Variants in CYFIP2 observed in about 807,000 individuals in gnomAD.
CYFIP2 encodes cytoplasmic FMR1-interacting protein 2.
CYFIP2 carries 29 observed loss-of-function variants against 158.7 expected under a neutral mutation model. The ratio of observed to expected loss-of-function variants is 0.18; its 90% CI spans 0.14 to 0.25. The LOEUF is 0.25. Among genes scored for constraint, CYFIP2 ranks in the 10% least tolerant of loss-of-function variants. The pLI is 1.00. For synonymous variants in CYFIP2, 585 were observed against 617.6 expected (o/e 0.95, Z 0.78); for missense variants, 852 against 1,639.5 (o/e 0.52, Z 8.29).
At chr5:157,392,767 C>G in intron 30 of CYFIP2, 66 bp from the exon 31 acceptor site, 1 of 1,564,838 alleles carries the variant, frequency 6.4e-7, no homozygotes, top group South Asian at 1.2e-5. Context: ...GTGACTTCTC[C>G]TGTTACTCCC....
intron 3 of CYFIP2, among the ~76,000 whole-genome samples, chr5:157,291,554 C>T (rs1210088952): frequency 1.3e-5 from 2 of 152,194 alleles, no homozygotes; most frequent in African/African-American, 2.4e-5. Flanking sequence ...TAACACCCGT[C>T]GGCAGGCAGG....
intron 21 of CYFIP2, 115 bp downstream of exon 21, chr5:157,333,561 T>C (rs1280936195): frequency 1.4e-6 from 2 of 1,425,768 alleles, no homozygotes; most frequent in African/African-American, 2.8e-5. Flanking sequence ...AGTGAGTCTC[T>C]TTCCCATCTG....
intron 1 of CYFIP2, among the ~76,000 whole-genome samples, chr5:157,271,942 C>G (rs1406108630): frequency 1.3e-5 from 2 of 152,214 alleles, no homozygotes; most frequent in African/African-American, 4.8e-5. Flanking sequence ...CCTCATATGA[C>G]AGCCCCAGGG....
chr5:157,332,522 C>T (rs1761543595), intron 20 of CYFIP2, among the ~76,000 whole-genome samples: 1 of 152,230 alleles, frequency 6.6e-6, no homozygotes. Flanking sequence ...AATGATGATA[C>T]TCAGGAAATT....
rs1762910955 is a variant in CYFIP2 at position 157,349,275 on chromosome 5, C to T, written c.2673+8118C>T. Among the ~76,000 whole-genome samples the T allele has an allele frequency of 2.0e-5, 3 of 152,292 alleles. No individual in the cohort carries two copies. In the South Asian group the frequency reaches 6.2e-4, roughly 32 times the overall value. On this transcript the variant is annotated intron_variant, in intron 23 of 30. Transcript: ENST00000620254. Reference sequence around the variant, plus strand: ...GTGTAGTCTTTTATCCCTCTCCCTCCTCCCACCCTTCTGAGTCTCCAAAAT... The same window carrying T: ...GTGTAGTCTTTTATCCCTCTCCCTCTTCCCACCCTTCTGAGTCTCCAAAAT...
intron 23 of CYFIP2, chr5:157,342,563 T>G: frequency 1.1e-5 from 3 of 276,660 alleles, no homozygotes; most frequent in East Asian, 6.2e-5. Context: ...AATTTTTGCT[T>G]TCTACTTTAT....
chr5:157,339,051 G>C lies in CYFIP2; in HGVS notation c.2386-6G>C. The C allele has an allele frequency of 6.2e-7, 1 of 1,608,534 alleles. No individual in the cohort carries two copies. Among genetic ancestry groups the C allele is most frequent in the East Asian group, 2.2e-5 (1 of 44,708 alleles). On this transcript the variant is annotated splice_region_variant and splice_polypyrimidine_tract_variant and intron_variant, in intron 21 of 30. Coordinates refer to ENST00000620254, the MANE Select transcript of CYFIP2 (RefSeq NM_001037333.3). ...CTCAGCAGTTGTGGGCTCTCTCTCT[G>C]TACAGGAGCTGGAGTGGCTGCTGGA...
At chr5:157,374,172 T>C (rs10076465) in intron 26 of CYFIP2, among the ~76,000 whole-genome samples, 69,208 of 151,986 alleles carry the variant, frequency 0.46, 16,124 homozygotes, top group African/African-American at 0.55. Context: ...TGCACCTGAA[T>C]TGGTGTCAGA....
At chr5:157,321,266 C>T (rs1760570188) in intron 15 of CYFIP2, among the ~76,000 whole-genome samples, 1 of 152,216 alleles carries the variant, frequency 6.6e-6, no homozygotes, top group East Asian at 1.9e-4. Flanking sequence ...CTTGGGCAAG[C>T]ACCTTGAGCT....
chr5:157,364,687 T>TG (rs1341594374), intron 26 of CYFIP2: 1 of 152,178 alleles, frequency 6.6e-6, no homozygotes, highest in Non-Finnish European at 1.5e-5. Context: ...CTTAGACAGC[T>TG]GGGGAGATCT....
In CYFIP2 at chr5:157,311,557, A is replaced by G. The variant is rs992698995; in HGVS notation, c.993-107A>G. On this transcript the variant is annotated intron_variant, in intron 10 of 30. Transcript: ENST00000620254. The surrounding 1 kb of genome is among the most constrained non-coding windows in gnomAD (Gnocchi z 4.7). ...GGCGGCTGGGATACCATTTGGTGTC[A>G]CCCAGGGGAGTTGGCCACGTGGGCT... is the stretch of plus-strand genomic sequence containing the variant. 7.7e-5 allele frequency: 71 copies of G among 916,798 alleles called. No homozygotes were observed. The African/African-American group carries it at 1.1e-3, about 15-fold the overall frequency. 56.8% of individuals were successfully genotyped at this position (916,798 alleles called of 1,614,324 possible).
chr5:157,392,991 C>G lies in CYFIP2; in HGVS notation c.3753C>G (p.Thr1251=). 1 of 1,613,764 alleles carries G rather than the reference C, an allele frequency of 6.2e-7. No homozygotes were observed. The highest frequency in any genetic ancestry group is 8.5e-7 in the Non-Finnish European group (1 of 1,179,814). The change falls in exon 31 of 31, where the codon ACC becomes ACG. Residue 1251 remains threonine, a synonymous_variant. Transcript: ENST00000620254. ...CACCCATCCACCAGTCCTTGGCCAC[C>G]ACTTGCTAAGCAGAAGATCCTGCAG... is the stretch of plus-strand genomic sequence containing the variant. ...FQPPIHQSLA[T]TC is the part of the protein sequence containing the mutation.
intron 24 of CYFIP2, among the ~76,000 whole-genome samples, 170 bp downstream of exon 24, chr5:157,359,318 C>T (rs1763636418): frequency 6.6e-6 from 1 of 152,212 alleles, no homozygotes; most frequent in Non-Finnish European, 1.5e-5. Context: ...TTGGTCTTAC[C>T]TATCATTCTG....
At chr5:157,375,363 G>A (rs917453444) in intron 26 of CYFIP2, among the ~76,000 whole-genome samples, 4 of 152,180 alleles carry the variant, frequency 2.6e-5, no homozygotes, top group African/African-American at 9.7e-5. Context: ...TAAGTCTGGA[G>A]ACTCTTACAC....
At chr5:157,272,706 A>T (rs1477621600) in intron 1 of CYFIP2, among the ~76,000 whole-genome samples, 1 of 152,050 alleles carries the variant, frequency 6.6e-6, no homozygotes, top group Non-Finnish European at 1.5e-5. Context: ...AGATAGGAAG[A>T]GCTCTATTTT....
At chr5:157,384,285 T>A in intron 28 of CYFIP2, 1 of 456,758 alleles carries the variant, frequency 2.2e-6, no homozygotes, top group Non-Finnish European at 4.4e-6. Flanking sequence ...ACAAAAGGCA[T>A]GTGCTATCTC....
intron 26 of CYFIP2, among the ~76,000 whole-genome samples, chr5:157,372,497 C>A (rs1287118229): frequency 6.6e-6 from 1 of 152,008 alleles, no homozygotes; most frequent in Non-Finnish European, 1.5e-5. Flanking sequence ...AACAGGGGAT[C>A]AAAAAGTTAA....
intron 24 of CYFIP2, 117 bp downstream of exon 24, chr5:157,359,265 C>A: frequency 1.8e-6 from 2 of 1,134,550 alleles, no homozygotes; most frequent in South Asian, 1.5e-5. Context: ...GCAGCTCTAC[C>A]TGTAGAAACC....
intron 3 of CYFIP2, among the ~76,000 whole-genome samples, chr5:157,291,651 C>T (rs1029088056): frequency 6.6e-6 from 1 of 152,202 alleles, no homozygotes; most frequent in Non-Finnish European, 1.5e-5. Context: ...CTGCGGGACC[C>T]ACGGGCTTGA....
Sources: gnomAD v4.1 joint callset for allele counts (sites outside exome capture counted in the v4.1 genomes callset) on GRCh38, gnomAD v4.1.1 for gene constraint, Gnocchi (gnomAD v3.1) non-coding constraint, MANE v1.5 for transcripts, NCBI Gene and HGNC (gene_info 2026-07-23, HGNC 2026-07-21) for gene names.